The following CLSTN2 variants were observed in gnomAD, a reference collection of about 807,000 sequenced individuals.
CLSTN2 encodes calsyntenin-2.
In CLSTN2, 48 loss-of-function variants were observed where a neutral mutation model predicts 101.2. That is an observed-to-expected ratio of 0.47 (90% confidence interval 0.38 to 0.60). CLSTN2 has a LOEUF of 0.60. Ranked by LOEUF, CLSTN2 falls within the 20% of genes least tolerant of loss-of-function variation. The pLI is 0.00. For missense variants in CLSTN2, 1,160 were observed against 1,238.2 expected (o/e 0.94, Z 0.95); for synonymous variants, 481 against 463.6 (o/e 1.04, Z -0.48).
At chr3:140,304,242 G>A (rs1559833643) in intron 2 of CLSTN2, among the ~76,000 whole-genome samples, 1 of 152,106 alleles carries the variant, frequency 6.6e-6, no homozygotes, top group Non-Finnish European at 1.5e-5. Context: ...AAAATGCTGG[G>A]TTCAGTTACA....
intron 6 of CLSTN2, chr3:140,449,832 T>C (rs1463228957): frequency 2.0e-5 from 3 of 152,344 alleles, no homozygotes; most frequent in African/African-American, 7.2e-5. Context: ...CTCTGTCACA[T>C]AGTCACTGCC....
At chr3:140,130,648 A>T (rs1444632523) in intron 1 of CLSTN2, among the ~76,000 whole-genome samples, 1 of 152,204 alleles carries the variant, frequency 6.6e-6, no homozygotes, top group Non-Finnish European at 1.5e-5. Flanking sequence ...TTTAATGTGC[A>T]GCATTGAGAT....
chr3:140,454,361 C>T (rs1933339400), intron 6 of CLSTN2: 1 of 152,150 alleles, frequency 6.6e-6, no homozygotes, highest in African/African-American at 2.4e-5. Flanking sequence ...GTTTCCTTCA[C>T]CTGGCAATCC....
chr3:139,966,835 G>T (rs2107817035), intron 1 of CLSTN2, among the ~76,000 whole-genome samples: 1 of 152,276 alleles, frequency 6.6e-6, no homozygotes, highest in Middle Eastern at 3.4e-3. Context: ...AAGTGGGCAG[G>T]ACCCAAGGTA....
At position 140,421,178 on chromosome 3, in the gene CLSTN2, A is replaced by C; in HGVS notation, c.691A>C (p.Ile231Leu). ...LSYDKQHQYE[I>L]LVTAYDCGQK... is the part of the protein sequence containing the mutation. Reference sequence around the variant, plus strand: ...CTATGACAAACAACACCAGTATGAGATCCTGGTGACCGCCTACGACTGTGG... The same window carrying C: ...CTATGACAAACAACACCAGTATGAGCTCCTGGTGACCGCCTACGACTGTGG... Residue 231 changes from isoleucine to leucine, a missense_variant, in exon 5 of 17, where the codon ATC (isoleucine) becomes CTC (leucine). Transcript: ENST00000458420. 6.2e-7 allele frequency: 1 copy of C among 1,614,152 alleles called. No homozygotes were observed. Among genetic ancestry groups the C allele is most frequent in the Non-Finnish European group, 8.5e-7 (1 of 1,180,008 alleles).
At chr3:140,308,241 G>A (rs2087133062) in intron 2 of CLSTN2, among the ~76,000 whole-genome samples, 1 of 152,204 alleles carries the variant, frequency 6.6e-6, no homozygotes, top group Non-Finnish European at 1.5e-5. Context: ...AAGAGTACAG[G>A]CTTCAGGGCC....
chr3:140,309,241 C>T (rs936609107), intron 2 of CLSTN2, among the ~76,000 whole-genome samples: 4 of 152,000 alleles, frequency 2.6e-5, no homozygotes, highest in South Asian at 2.1e-4. Context: ...ACCTGGCATC[C>T]GAGGGAAGGT....
At chr3:140,433,616 C>A (rs2088659424) in intron 5 of CLSTN2, among the ~76,000 whole-genome samples, 1 of 152,310 alleles carries the variant, frequency 6.6e-6, no homozygotes, top group Non-Finnish European at 1.5e-5. Flanking sequence ...AAATCCAGTT[C>A]CATTTGACTC....
intron 1 of CLSTN2, among the ~76,000 whole-genome samples, chr3:140,109,639 G>A (rs189579685): frequency 6.6e-6 from 1 of 152,178 alleles, no homozygotes; most frequent in African/African-American, 2.4e-5. Flanking sequence ...ACTGAGCCCT[G>A]TAGAGATCTT....
At chr3:140,158,481 A>C (rs1469155537) in intron 1 of CLSTN2, among the ~76,000 whole-genome samples, 2 of 152,224 alleles carry the variant, frequency 1.3e-5, no homozygotes, top group African/African-American at 4.8e-5. Flanking sequence ...CTAAGAATAC[A>C]GCTCATCAAG....
intron 1 of CLSTN2, among the ~76,000 whole-genome samples, chr3:140,114,336 C>T (rs917800326): frequency 6.6e-6 from 1 of 152,158 alleles, no homozygotes; most frequent in African/African-American, 2.4e-5. Flanking sequence ...CTCCTACAGG[C>T]TGGATTAGGT....
Position 140,081,278 on chromosome 3 carries a change from G to A in CLSTN2, c.110-94673G>A, listed in dbSNP as rs150067361. Among the ~76,000 whole-genome samples, 419 of 152,254 alleles carry A rather than the reference G, an allele frequency of 2.8e-3. 4 individuals carry two copies. The highest frequency in any genetic ancestry group is 9.6e-3 in the African/African-American group (399 of 41,540). ...TACTAAAAATGAACAATGAAGAAAAGATAAAGAATACGAAAGTATTGACAG... is the reference window on the plus strand; with the variant it reads ...TACTAAAAATGAACAATGAAGAAAAAATAAAGAATACGAAAGTATTGACAG... On this transcript the variant is annotated intron_variant, in intron 1 of 16. Transcript: ENST00000458420.
intron 3 of CLSTN2, 60 bp downstream of exon 3, chr3:140,403,884 T>A: frequency 7.5e-7 from 1 of 1,327,874 alleles, no homozygotes; most frequent in Non-Finnish European, 1.1e-6. Context: ...CCCACTTCAT[T>A]CACATGCTGC....
At chr3:140,292,121 AC>A (rs1281876554) in intron 2 of CLSTN2, among the ~76,000 whole-genome samples, 3 of 151,400 alleles carry the variant, frequency 2.0e-5, no homozygotes, top group African/African-American at 7.3e-5. Flanking sequence ...GGCCTATAAA[AC>A]CCCCATGACC....
chr3:140,319,043 T>C (rs2087257999), intron 2 of CLSTN2, among the ~76,000 whole-genome samples: 1 of 152,226 alleles, frequency 6.6e-6, no homozygotes, highest in South Asian at 2.1e-4. Flanking sequence ...CTGAATTTTA[T>C]ACTGTTTACT....
intron 2 of CLSTN2, among the ~76,000 whole-genome samples, chr3:140,211,427 G>GTATATATA (rs879873578): frequency 9.8e-5 from 2 of 20,368 alleles, no homozygotes; most frequent in African/African-American, 2.9e-4. Flanking sequence ...CACACACACA[G>GTATATATA]TATATATATA....
chr3:140,028,773 A>T (rs749891478), intron 1 of CLSTN2, among the ~76,000 whole-genome samples: 27 of 152,098 alleles, frequency 1.8e-4, no homozygotes, highest in Non-Finnish European at 3.4e-4. Context: ...AGCAGACAAT[A>T]TTGGGAGAAA....
chr3:139,937,511 C>A (rs1576369705), intron 1 of CLSTN2, among the ~76,000 whole-genome samples: 1 of 148,618 alleles, frequency 6.7e-6, no homozygotes, highest in African/African-American at 2.5e-5. Flanking sequence ...CCGAGGCGGG[C>A]GGATCACCTG....
At chr3:140,526,873 G>A (rs1204822627) in intron 8 of CLSTN2, among the ~76,000 whole-genome samples, 11 of 152,048 alleles carry the variant, frequency 7.2e-5, no homozygotes, top group Admixed American at 6.6e-4. Flanking sequence ...TGGGATAACG[G>A]GCTAGCCATA....
Sources: allele counts gnomAD v4.1 joint callset (sites outside exome capture counted in the v4.1 genomes callset), GRCh38; gene constraint gnomAD v4.1.1; transcripts MANE v1.5; gene names NCBI Gene and HGNC (gene_info 2026-07-23, HGNC 2026-07-21).